Variants in ZNF596 observed in about 807,000 individuals in gnomAD.
ZNF596 encodes the protein zinc finger protein 596.
ZNF596 carries 45 observed loss-of-function variants against 48.3 expected under a neutral mutation model. The observed-to-expected ratio is 0.93, with a 90% CI of 0.73 to 1.19. The LOEUF (loss-of-function observed/expected upper bound fraction) is 1.19, where lower values mean the gene tolerates loss of function less well. ZNF596 is among the 50% of genes most tolerant of loss of function. ZNF596 has a pLI of 0.00. For synonymous variants in ZNF596, 270 were observed against 202.0 expected, an observed-to-expected ratio of 1.34 and a Z score of -2.85; for missense variants, 848 against 599.7, an observed-to-expected ratio of 1.41 and a Z score of -4.32.
intron 1 of ZNF596, chr8:240,254 AAATTTGAAGCTGCTTGGTAGAT>A (rs1264162980): frequency 4.6e-5 from 7 of 152,298 alleles, no homozygotes; most frequent in Non-Finnish European, 2.9e-5. Context: ...TGATAAAATG[AAATTTGAAGCTGCTTGGTAGAT>A]AAATTCATGC....
chr8:243,784 C>A lies in ZNF596; in HGVS notation c.202C>A (p.Gln68Lys). 1 of 1,613,600 alleles carries A rather than the reference C, an allele frequency of 6.2e-7. No individual in the cohort carries two copies. Among genetic ancestry groups the A allele is most frequent in the Non-Finnish European group, 8.5e-7 (1 of 1,179,770 alleles). The change falls in exon 4 of 6, where the codon CAA becomes AAA. Residue 68 changes from glutamine (Q) to lysine (K), a missense_variant. Gln to Lys is a moderately conservative substitution (Grantham distance 53). Coordinates refer to ENST00000398612, the MANE Select transcript of ZNF596 (RefSeq NM_001042416.3). ...GGAGCAAGTAGAGAAACTTTCAACA[C>A]AAAGAATAAGCTTACTGCAAGGTGA... ...QLEQVEKLSTQRISLLQGREV... is the reference protein window; with the variant it reads ...QLEQVEKLSTKRISLLQGREV...
intron 2 of ZNF596, among the ~76,000 whole-genome samples, chr8:241,410 A>G (rs940487647): frequency 1.7e-4 from 26 of 152,192 alleles, no homozygotes; most frequent in African/African-American, 6.3e-4. Context: ...ACAATGAGGA[A>G]TTATTCATTT....
Position 245,800 on chromosome 8 carries a change from A to G in ZNF596, c.953A>G (p.Lys318Arg), listed in dbSNP as rs200553223. Residue 318 changes from lysine to arginine, a missense_variant, in exon 6 of 6, where the codon AAA (lysine) becomes AGA (arginine). Physicochemically the swap from Lys to Arg is conservative, Grantham distance 26. Transcript: ENST00000398612. Reference sequence around the variant, plus strand: ...CTCCTATGTGGGAAGGCTTTCAGTAAATGTTCTTACCTTAGACAACATGAA... The same window carrying G: ...CTCCTATGTGGGAAGGCTTTCAGTAGATGTTCTTACCTTAGACAACATGAA... The part of the protein sequence containing the change: ...GCLLCGKAFS[K>R]CSYLRQHERT... 7 of 1,614,016 alleles carry G rather than the reference A, an allele frequency of 4.3e-6. No homozygotes were observed. The highest frequency in any genetic ancestry group is 4.2e-6 in the Non-Finnish European group (5 of 1,180,026).
rs1563072773 is a variant in ZNF596, at chr8:246,243, A to G, written c.1396A>G (p.Arg466Gly). The G allele has an allele frequency of 2.5e-6, 4 of 1,611,944 alleles. No homozygotes were observed. The highest frequency in any genetic ancestry group is 2.2e-5 in the East Asian group (1 of 44,672). Residue 466 changes from arginine (R) to glycine (G), a missense_variant, in exon 6 of 6, where the codon AGA (arginine) becomes GGA (glycine). Transcript: ENST00000398612. ...TAGAAGTTACAACTTTAGACTTCAT[A>G]GAAGAGTTCACACTGGAGAGAAACC... ...FNRSYNFRLH[R>G]RVHTGEKPYV...
At position 245,330 on chromosome 8, in the gene ZNF596, C is replaced by A; in HGVS notation, c.483C>A (p.His161Gln). The stretch of plus-strand genomic sequence containing the variant: ...CCTTTAATCAACACAAGGAAATTCA[C>A]ACCAAATGTAAATCATATGGAAGTC... ...WLSFNQHKEIHTKCKSYGSHL... is the reference protein window; with the variant it reads ...WLSFNQHKEIQTKCKSYGSHL... The change falls in exon 6 of 6, where the codon CAC becomes CAA. Residue 161 changes from histidine (H) to glutamine (Q), a missense_variant. Coordinates refer to ENST00000398612, the MANE Select transcript of ZNF596 (RefSeq NM_001042416.3). 1.2e-6 allele frequency: 2 copies of A among 1,614,098 alleles called. No homozygotes were observed. The highest frequency in any genetic ancestry group is 1.7e-6 in the Non-Finnish European group (2 of 1,179,980).
chr8:244,618 G>C lies in ZNF596; in HGVS notation c.224-1G>C. 6.2e-7 allele frequency: 1 copy of C among 1,602,100 alleles called. No homozygotes were observed. ...CATCTTTTTTTTTTCATTTATTTCA[G>C]GTAGAGAAGTTGGCATTAAACATCA... On this transcript the variant is annotated splice_acceptor_variant, in intron 4 of 5. Transcript: ENST00000398612. LOFTEE classifies it high-confidence loss of function.
At chr8:236,185 G>T (rs1358925583) in intron 1 of ZNF596, among the ~76,000 whole-genome samples, 1 of 152,120 alleles carries the variant, frequency 6.6e-6, no homozygotes, top group Non-Finnish European at 1.5e-5. Flanking sequence ...ATATTTGCCT[G>T]TTGTAAATAG....
At position 246,140 on chromosome 8, in the gene ZNF596, T is replaced by G. The variant is rs775727492; in HGVS notation, c.1293T>G (p.Ser431=). ...CHLCGKAFNH[S]SVLRRHERTH... ...TATGCGGAAAAGCCTTCAATCACTC[T>G]TCTGTCCTTAGACGACATGAGAGAA... is the stretch of plus-strand genomic sequence containing the variant. The change falls in exon 6 of 6, where the codon TCT becomes TCG. Residue 431 remains serine (S), a synonymous_variant. Coordinates refer to ENST00000398612, the MANE Select transcript of ZNF596 (RefSeq NM_001042416.3). 1 of 1,613,430 alleles carries G rather than the reference T, an allele frequency of 6.2e-7. No individual in the cohort carries two copies. Among genetic ancestry groups the G allele is most frequent in the Non-Finnish European group, 8.5e-7 (1 of 1,179,414 alleles).
chr8:245,602 G>C lies in ZNF596; in HGVS notation c.755G>C (p.Gly252Ala), dbSNP rs759418519. The change falls in exon 6 of 6, where the codon GGA becomes GCA. Residue 252 changes from glycine to alanine, a missense_variant. Transcript: ENST00000398612. ...ACTCACACTGGAGAGAAGCCATATG[G>C]ATGTCATCTATGTGGGAAAGCCTTC... Reference protein sequence around the residue: ...ERTHTGEKPYGCHLCGKAFSK... With the variant: ...ERTHTGEKPYACHLCGKAFSK... 1 of 1,611,240 alleles carries C rather than the reference G, an allele frequency of 6.2e-7. No homozygotes were observed. Among genetic ancestry groups the C allele is most frequent in the Non-Finnish European group, 8.5e-7 (1 of 1,179,082 alleles).
At position 246,036 on chromosome 8, in the gene ZNF596, G is replaced by A. The variant is rs769509507; in HGVS notation, c.1189G>A (p.Gly397Arg). The A allele has an allele frequency of 4.3e-6, 7 of 1,614,036 alleles. No individual in the cohort carries two copies. The highest frequency in any genetic ancestry group is 5.1e-6 in the Non-Finnish European group (6 of 1,180,034). ...GAAACCATATGAGTGCCATGTATGTGGGAAAGCCTTCACTGAATCTTCTGA... is the reference window on the plus strand; with the variant it reads ...GAAACCATATGAGTGCCATGTATGTAGGAAAGCCTTCACTGAATCTTCTGA... ...GEKPYECHVC[G>R]KAFTESSDLR... The change falls in exon 6 of 6, where the codon GGG (glycine) becomes AGG (arginine). Residue 397 changes from glycine to arginine, a missense_variant. Gly to Arg is a moderately radical substitution (Grantham distance 125, BLOSUM62 -2). Coordinates refer to ENST00000398612, the MANE Select transcript of ZNF596 (RefSeq NM_001042416.3).
intron 1 of ZNF596, chr8:240,504 G>C: frequency 5.2e-6 from 1 of 192,642 alleles, no homozygotes; most frequent in Non-Finnish European, 1.1e-5. Flanking sequence ...TCTGTAGGTG[G>C]AGCCACATCT....
Position 245,910 on chromosome 8 carries a change from C to T in ZNF596, c.1063C>T (p.Arg355Ter), listed in dbSNP as rs202032273. 3.2e-5 allele frequency: 52 copies of T among 1,606,852 alleles called. No homozygotes were observed. Among genetic ancestry groups the T allele is most frequent in the Admixed American group, 1.7e-4 (10 of 59,292 alleles). Residue 355 changes from arginine to a stop codon, truncating the protein, a stop_gained, in exon 6 of 6, where the codon CGA becomes TGA. Transcript: ENST00000398612. LOFTEE classifies it high-confidence loss of function. ...SHCSHLRQHE[R>*]SHNGEKPHGC... The stretch of plus-strand genomic sequence containing the variant: ...TTGTTCTCACCTTAGACAACATGAG[C>T]GAAGTCACAATGGAGAGAAACCACA...
intron 1 of ZNF596, chr8:233,058 G>C: frequency 4.3e-6 from 2 of 468,420 alleles, no homozygotes; most frequent in Non-Finnish European, 8.8e-6. Flanking sequence ...AGGTGGGGCA[G>C]GAGAGTGAGG....
intron 4 of ZNF596, chr8:244,255 G>T: frequency 4.3e-6 from 1 of 232,468 alleles, no homozygotes; most frequent in Non-Finnish European, 8.3e-6. Flanking sequence ...ACATTTCTCA[G>T]ATATTGTCAT....
rs771446971 is a variant in ZNF596, at chr8:246,133, A to C, written c.1286A>C (p.Asn429Thr). 1.9e-6 allele frequency: 3 copies of C among 1,612,340 alleles called. No homozygotes were observed. In the Admixed American group the frequency reaches 5.0e-5, roughly 27 times the overall value. The change falls in exon 6 of 6, where the codon AAT becomes ACT. Residue 429 changes from asparagine to threonine, a missense_variant. Coordinates refer to ENST00000398612, the MANE Select transcript of ZNF596 (RefSeq NM_001042416.3). ...YECHLCGKAFNHSSVLRRHER... is the reference protein window; with the variant it reads ...YECHLCGKAFTHSSVLRRHER... ...TGCCATCTATGCGGAAAAGCCTTCA[A>C]TCACTCTTCTGTCCTTAGACGACAT...
At chr8:234,875 G>A (rs1226959251) in intron 1 of ZNF596, 3 of 152,284 alleles carry the variant, frequency 2.0e-5, no homozygotes, top group East Asian at 1.9e-4. Context: ...GTCGTTTAGG[G>A]ACAATGCACT....
At chr8:243,541 A>T (rs1796937789) in intron 3 of ZNF596, 181 bp from the exon 4 acceptor site, 1 of 489,316 alleles carries the variant, frequency 2.0e-6, no homozygotes, top group Admixed American at 3.7e-5. Flanking sequence ...TATGTCTGGG[A>T]ACAAGTTCAA....
intron 3 of ZNF596, 80 bp from the exon 4 acceptor site, chr8:243,642 G>A (rs1357963312): frequency 1.4e-6 from 2 of 1,418,532 alleles, no homozygotes; most frequent in African/African-American, 1.4e-5. Context: ...ATCCTTCCCA[G>A]TAGGCTGCCC....
In ZNF596 at chr8:239,117, A is replaced by C. The variant is rs533832659; in HGVS notation, c.-72-1707A>C. 1.2e-4 allele frequency among the ~76,000 whole-genome samples: 19 copies of C among 152,314 alleles called. No individual in the cohort carries two copies. In the South Asian group the frequency reaches 3.9e-3, roughly 32 times the overall value. On this transcript the variant is annotated intron_variant, in intron 1 of 5. Transcript: ENST00000398612. ...TTGAAATTATTCAATCAGAAGAGCAAGTAGAAAAAGAATTTTTTAAAAGTG... is the reference window on the plus strand; with the variant it reads ...TTGAAATTATTCAATCAGAAGAGCACGTAGAAAAAGAATTTTTTAAAAGTG...
Sources: gnomAD v4.1 joint callset for allele counts (sites outside exome capture counted in the v4.1 genomes callset) on GRCh38, gnomAD v4.1.1 for gene constraint, MANE v1.5 for transcripts, NCBI Gene and HGNC (gene_info 2026-07-23, HGNC 2026-07-21) for gene names.